Variants in MAMDC2 observed in about 807,000 individuals in gnomAD.
MAMDC2 encodes the protein MAM domain containing 2, also known as MAM domain-containing protein 2.
A neutral mutation model predicts 89.8 loss-of-function variants in MAMDC2; 57 were observed. The observed-to-expected ratio is 0.63, with a 90% CI of 0.51 to 0.79. MAMDC2 has a LOEUF of 0.79. Among genes scored for constraint, MAMDC2 ranks in the 30% least tolerant of loss-of-function variants. The pLI, the probability that MAMDC2 is intolerant of heterozygous loss-of-function variation, is 0.00. For synonymous variants in MAMDC2, 313 were observed against 293.4 expected (o/e 1.07, Z -0.68); for missense variants, 800 against 820.6 (o/e 0.97, Z 0.31).
At chr9:70,138,272 T>C (rs1300558823) in intron 7 of MAMDC2, among the ~76,000 whole-genome samples, 1 of 152,230 alleles carries the variant, frequency 6.6e-6, no homozygotes. Flanking sequence ...TTCCAGTTTG[T>C]ATGTACATAT....
At chr9:70,067,535 C>A (rs1057432566) in intron 2 of MAMDC2, among the ~76,000 whole-genome samples, 1 of 152,180 alleles carries the variant, frequency 6.6e-6, no homozygotes, top group Admixed American at 6.5e-5. Context: ...CATATCCCTA[C>A]CTTCAGCAAA....
chr9:70,097,460 C>G (rs1020474090), intron 2 of MAMDC2, among the ~76,000 whole-genome samples: 2 of 152,186 alleles, frequency 1.3e-5, no homozygotes, highest in Non-Finnish European at 2.9e-5. Context: ...CTTACCCCAC[C>G]CATGACCCTG....
chr9:70,121,435 G>A (rs1328801059), intron 5 of MAMDC2, among the ~76,000 whole-genome samples: 1 of 152,072 alleles, frequency 6.6e-6, no homozygotes, highest in Non-Finnish European at 1.5e-5. Context: ...CAGGCTCTTT[G>A]TGTATAATCC....
intron 2 of MAMDC2, among the ~76,000 whole-genome samples, chr9:70,101,610 A>G (rs1246794826): frequency 2.0e-5 from 3 of 152,210 alleles, no homozygotes; most frequent in Non-Finnish European, 4.4e-5. Context: ...AATTGCCTAC[A>G]GTATTCAGTA....
intron 2 of MAMDC2, among the ~76,000 whole-genome samples, chr9:70,073,548 G>A (rs73650524): frequency 0.015 from 2,340 of 152,234 alleles, 64 homozygotes; most frequent in African/African-American, 0.053. Flanking sequence ...ATGAACTCTG[G>A]GTTTTGGCCG....
At chr9:70,103,907 A>G (rs1828264502) in intron 2 of MAMDC2, among the ~76,000 whole-genome samples, 1 of 151,952 alleles carries the variant, frequency 6.6e-6, no homozygotes, top group Non-Finnish European at 1.5e-5. Context: ...GCTTGAGCCC[A>G]GGAGGTGGAG....
rs543708909 is a variant in MAMDC2 at position 70,071,000 on chromosome 9, A to G, written c.148+26303A>G. Among the ~76,000 whole-genome samples the G allele has an allele frequency of 3.6e-4, 55 of 152,222 alleles. 1 individual carries two copies. The highest frequency in any genetic ancestry group is 7.6e-4 in the Non-Finnish European group (52 of 68,038). Reference sequence around the variant, plus strand: ...TGCATATCAATGGTCATTTATTTATACTAACCTTTTAATGCCAAATATCCA... The same window carrying G: ...TGCATATCAATGGTCATTTATTTATGCTAACCTTTTAATGCCAAATATCCA... On this transcript the variant is annotated intron_variant, in intron 2 of 13. Coordinates refer to ENST00000377182, the MANE Select transcript of MAMDC2 (RefSeq NM_153267.5).
At chr9:70,139,620 C>A (rs895662820) in intron 7 of MAMDC2, among the ~76,000 whole-genome samples, 1 of 152,064 alleles carries the variant, frequency 6.6e-6, no homozygotes, top group African/African-American at 2.4e-5. Context: ...ATTTATAGTC[C>A]TTTGGGTATA....
At chr9:70,126,440 T>C (rs1314623512) in intron 6 of MAMDC2, 25 bp downstream of exon 6, 1 of 1,598,792 alleles carries the variant, frequency 6.3e-7, no homozygotes, top group Non-Finnish European at 8.5e-7. Context: ...GCGCACCAGC[T>C]GTTCACTGGC....
At chr9:70,213,782 T>C (rs2033399403) in intron 11 of MAMDC2, among the ~76,000 whole-genome samples, 1 of 152,242 alleles carries the variant, frequency 6.6e-6, no homozygotes, top group African/African-American at 2.4e-5. Flanking sequence ...ATCTAAAAAA[T>C]ACTTCAGATA....
At chr9:70,104,983 T>A (rs988421584) in intron 2 of MAMDC2, among the ~76,000 whole-genome samples, 8 of 150,500 alleles carry the variant, frequency 5.3e-5, no homozygotes, top group African/African-American at 2.0e-4. Flanking sequence ...TTGATTAAGA[T>A]GGAATAAATA....
chr9:70,191,423 T>G (rs1020444717), intron 11 of MAMDC2, among the ~76,000 whole-genome samples: 6 of 152,164 alleles, frequency 3.9e-5, no homozygotes, highest in African/African-American at 1.4e-4. Context: ...TTACAGTACT[T>G]GTGTGATAAC....
Position 70,202,421 on chromosome 9 carries a change from GT to G in MAMDC2, c.1652-15913del, listed in dbSNP as rs570987122. Among the ~76,000 whole-genome samples, 842 of 151,950 alleles carry G rather than the reference GT, an allele frequency of 5.5e-3. 6 individuals carry two copies. Among genetic ancestry groups the G allele is most frequent in the African/African-American group, 0.019 (807 of 41,466 alleles). ...TGATTGCACTGTGGTCTGAGAGATA[GT>G]TTGTTATAATGTCTGTTCTTTTACA... On this transcript the variant is annotated intron_variant, in intron 11 of 13. Transcript: ENST00000377182.
rs746421558 is a variant in MAMDC2, at chr9:70,143,794, C to A, written c.1379C>A (p.Thr460Asn). Residue 460 changes from threonine (T) to asparagine (N), a missense_variant, in exon 9 of 14, where the codon ACC becomes AAC. By Grantham distance (65) the Thr-to-Asn change is moderately conservative (BLOSUM62 0). Transcript: ENST00000377182. ...GGTGTTTGGATGCAAGCTGAAATCA[C>A]CTTTAAGAAGCCCATGCCTACCAAG... ...PRGVWMQAEITFKKPMPTKVV... is the reference protein window; with the variant it reads ...PRGVWMQAEINFKKPMPTKVV... The A allele has an allele frequency of 6.8e-6, 11 of 1,613,994 alleles. No homozygotes were observed. The South Asian group carries it at 1.2e-4, about 18-fold the overall frequency.
intron 2 of MAMDC2, among the ~76,000 whole-genome samples, chr9:70,089,954 A>C (rs1489868503): frequency 1.3e-5 from 2 of 152,172 alleles, no homozygotes; most frequent in South Asian, 2.1e-4. Flanking sequence ...GTGTTTTCAA[A>C]ACTCATTAAG....
At chr9:70,108,823 T>A (rs1283533770) in intron 3 of MAMDC2, among the ~76,000 whole-genome samples, 2 of 152,248 alleles carry the variant, frequency 1.3e-5, no homozygotes, top group Non-Finnish European at 2.9e-5. Flanking sequence ...AAATTGTGTG[T>A]GCTATGTGTT....
At chr9:70,207,374 T>C (rs1436904671) in intron 11 of MAMDC2, among the ~76,000 whole-genome samples, 3 of 152,246 alleles carry the variant, frequency 2.0e-5, no homozygotes, top group Admixed American at 2.0e-4. Context: ...ATTTCTCTGA[T>C]GGCCAGTGCT....
intron 2 of MAMDC2, among the ~76,000 whole-genome samples, chr9:70,046,922 G>A (rs1462963692): frequency 6.6e-6 from 1 of 152,206 alleles, no homozygotes; most frequent in Non-Finnish European, 1.5e-5. Flanking sequence ...GCAGGCTCCA[G>A]GGCAGTGAGG....
At chr9:70,044,781 C>A in intron 2 of MAMDC2, 84 bp downstream of exon 2, 1 of 990,364 alleles carries the variant, frequency 1.0e-6, no homozygotes, top group Non-Finnish European at 1.5e-6. Flanking sequence ...GTAATGTTAT[C>A]TTGGAGTTAA....
Sources: gnomAD v4.1 joint callset for allele counts (sites outside exome capture counted in the v4.1 genomes callset) on GRCh38, gnomAD v4.1.1 for gene constraint, MANE v1.5 for transcripts, NCBI Gene and HGNC (gene_info 2026-07-23, HGNC 2026-07-21) for gene names.